The following CFAP43 variants were observed in gnomAD, a reference collection of about 807,000 sequenced individuals.
CFAP43 encodes cilia and flagella associated protein 43, also known as cilia- and flagella-associated protein 43.
CFAP43 carries 155 observed loss-of-function variants against 218.9 expected under a neutral mutation model. The ratio of observed to expected loss-of-function variants is 0.71; its 90% confidence interval spans 0.62 to 0.81. CFAP43 has a LOEUF of 0.81. Ranked by LOEUF, CFAP43 falls within the 30% of genes least tolerant of loss-of-function variation. The pLI is 0.00. For synonymous variants in CFAP43, 645 were observed against 681.3 expected, an observed-to-expected ratio of 0.95 and a Z score of 0.83; for missense variants, 1,778 against 1,954.3, an observed-to-expected ratio of 0.91 and a Z score of 1.70.
chr10:104,167,413 G>A (rs1430085815), intron 22 of CFAP43, among the ~76,000 whole-genome samples: 1 of 152,176 alleles, frequency 6.6e-6, no homozygotes, highest in Non-Finnish European at 1.5e-5. Flanking sequence ...GGGCTAGCCA[G>A]TGTTGTATAG....
At chr10:104,212,371 T>A (rs1322488885) in intron 4 of CFAP43, among the ~76,000 whole-genome samples, 1 of 152,164 alleles carries the variant, frequency 6.6e-6, no homozygotes, top group African/African-American at 2.4e-5. Context: ...ATTATAAAAA[T>A]TTTTGAAAGT....
At chr10:104,132,307 G>A in intron 35 of CFAP43, 111 bp from the exon 36 acceptor site, 1 of 842,104 alleles carries the variant, frequency 1.2e-6, no homozygotes, top group South Asian at 2.0e-5. Flanking sequence ...AAATATCTAT[G>A]CAAGTTAAGA....
intron 31 of CFAP43, among the ~76,000 whole-genome samples, chr10:104,144,281 C>G (rs2087848030): frequency 1.3e-5 from 2 of 152,244 alleles, no homozygotes; most frequent in African/African-American, 4.8e-5. Context: ...GCTTTTCCCA[C>G]TGCTGCGGGA....
At chr10:104,166,833 C>T (rs2089181194) in intron 22 of CFAP43, 115 bp from the exon 23 acceptor site, 1 of 929,978 alleles carries the variant, frequency 1.1e-6, no homozygotes, top group Non-Finnish European at 1.6e-6. Flanking sequence ...AATTGTCTTG[C>T]CAACAACTGA....
At chr10:104,215,614 C>A (rs563522627) in intron 3 of CFAP43, among the ~76,000 whole-genome samples, 4 of 152,144 alleles carry the variant, frequency 2.6e-5, no homozygotes, top group African/African-American at 9.7e-5. Context: ...GTGGTTGCCA[C>A]CCCCCACCAG....
At chr10:104,131,271 G>A in intron 37 of CFAP43, 60 bp downstream of exon 37, 3 of 1,553,612 alleles carry the variant, frequency 1.9e-6, no homozygotes, top group Non-Finnish European at 2.6e-6. Flanking sequence ...ATACATTTTA[G>A]GATTACTGAT....
intron 22 of CFAP43, 82 bp from the exon 23 acceptor site, chr10:104,166,800 T>C: frequency 1.7e-6 from 2 of 1,196,480 alleles, no homozygotes; most frequent in Non-Finnish European, 2.4e-6. Flanking sequence ...CTTAATTATT[T>C]CAACAATCAT....
chr10:104,229,226 G>T (rs1020008762), intron 2 of CFAP43, among the ~76,000 whole-genome samples: 2 of 152,136 alleles, frequency 1.3e-5, no homozygotes, highest in African/African-American at 4.8e-5. Context: ...ACACTTATTT[G>T]ACCCTTAAGA....
At chr10:104,232,048 T>TG in intron 1 of CFAP43, 134 bp downstream of exon 1, 1 of 958,326 alleles carries the variant, frequency 1.0e-6, no homozygotes, top group Non-Finnish European at 1.5e-6. Context: ...GGGAAGGCAC[T>TG]GGGGGCAGAG....
intron 34 of CFAP43, among the ~76,000 whole-genome samples, chr10:104,134,760 C>T (rs1564706358): frequency 6.6e-6 from 1 of 151,794 alleles, no homozygotes; most frequent in Non-Finnish European, 1.5e-5. Flanking sequence ...AAAAGAAAAG[C>T]CCAGGACAAG....
intron 2 of CFAP43, 38 bp downstream of exon 2, chr10:104,230,552 C>G: frequency 6.4e-7 from 1 of 1,574,330 alleles, no homozygotes; most frequent in Non-Finnish European, 8.6e-7. Flanking sequence ...TAAACAAAAT[C>G]CTTCAATTAT....
chr10:104,200,781 TGAGGGAGAA>T (rs2090514199), intron 8 of CFAP43, among the ~76,000 whole-genome samples: 1 of 150,906 alleles, frequency 6.6e-6, no homozygotes, highest in Admixed American at 6.6e-5. Context: ...ACAAAGACTC[TGAGGGAGAA>T]GCATGTCTGG....
intron 7 of CFAP43, among the ~76,000 whole-genome samples, chr10:104,205,047 T>C (rs2090639119): frequency 6.6e-6 from 1 of 151,790 alleles, no homozygotes; most frequent in Admixed American, 6.6e-5. Flanking sequence ...ACCCCGTCTC[T>C]ACTAAAAATA....
At chr10:104,221,389 T>C (rs760741037) in intron 3 of CFAP43, among the ~76,000 whole-genome samples, 1 of 152,154 alleles carries the variant, frequency 6.6e-6, no homozygotes, top group Non-Finnish European at 1.5e-5. Context: ...ATTGGGGTAT[T>C]GGGACTTTTG....
At chr10:104,216,199 T>C (rs1564808902) in intron 3 of CFAP43, among the ~76,000 whole-genome samples, 3 of 152,206 alleles carry the variant, frequency 2.0e-5, no homozygotes, top group African/African-American at 7.2e-5. Flanking sequence ...CACCATTCCA[T>C]TGACATAGCT....
chr10:104,208,613 T>C (rs528243606), intron 5 of CFAP43, among the ~76,000 whole-genome samples: 1 of 152,334 alleles, frequency 6.6e-6, no homozygotes, highest in Admixed American at 6.5e-5. Flanking sequence ...GAAATGTTTG[T>C]TGATAATATC....
At chr10:104,207,567 A>C in intron 6 of CFAP43, 98 bp downstream of exon 6, 1 of 1,141,004 alleles carries the variant, frequency 8.8e-7, no homozygotes, top group Non-Finnish European at 1.3e-6. Context: ...AAGAAGAAGG[A>C]GGATTCAAAG....
intron 27 of CFAP43, among the ~76,000 whole-genome samples, chr10:104,159,095 G>A (rs939093872): frequency 2.6e-5 from 4 of 152,022 alleles, no homozygotes; most frequent in Non-Finnish European, 5.9e-5. Context: ...AGATAATTGC[G>A]GAAGCTGGAT....
chr10:104,205,900 G>T, intron 7 of CFAP43, 63 bp downstream of exon 7: 2 of 1,377,126 alleles, frequency 1.5e-6, no homozygotes, highest in South Asian at 2.5e-5. Context: ...AATAGTAAAT[G>T]GCAACAAATG....
Sources: gnomAD v4.1 joint callset for allele counts (sites outside exome capture counted in the v4.1 genomes callset) on GRCh38, gnomAD v4.1.1 for gene constraint, MANE v1.5 for transcripts, NCBI Gene and HGNC (gene_info 2026-07-23, HGNC 2026-07-21) for gene names.